Variants in EYA2 observed in about 807,000 individuals in gnomAD.
The protein encoded by EYA2 is protein phosphatase EYA2.
Under a neutral mutation model 69.2 loss-of-function variants are expected in EYA2, and 31 were observed. That is an observed-to-expected ratio of 0.45 (90% CI 0.34 to 0.60). The LOEUF (loss-of-function observed/expected upper bound fraction) is 0.60. EYA2 is among the 20% of genes least tolerant of loss of function. The pLI, the probability that EYA2 is intolerant of heterozygous loss-of-function variation, is 0.02. For missense variants in EYA2, 622 were observed against 701.2 expected (o/e 0.89, Z 1.28); for synonymous variants, 257 against 279.4 (o/e 0.92, Z 0.80).
At chr20:47,095,590 AG>A (rs1279045909) in intron 8 of EYA2, among the ~76,000 whole-genome samples, 1 of 152,146 alleles carries the variant, frequency 6.6e-6, no homozygotes, top group African/African-American at 2.4e-5. Context: ...AATTCTAGAA[AG>A]AAAAAAAAGG....
At chr20:47,037,286 G>A (rs565744064) in intron 5 of EYA2, among the ~76,000 whole-genome samples, 184 of 152,186 alleles carry the variant, frequency 1.2e-3, no homozygotes, top group African/African-American at 4.3e-3. Context: ...ATTTGGGTGG[G>A]GACACAAAGC....
chr20:47,149,643 G>C (rs1022911779), intron 10 of EYA2, among the ~76,000 whole-genome samples: 3 of 140,778 alleles, frequency 2.1e-5, no homozygotes, highest in Admixed American at 7.8e-5. Flanking sequence ...AGGAGTTCAA[G>C]ACCAGCCTCG....
At chr20:47,023,866 G>A (rs555734059) in intron 5 of EYA2, among the ~76,000 whole-genome samples, 1 of 152,202 alleles carries the variant, frequency 6.6e-6, no homozygotes, top group East Asian at 1.9e-4. Context: ...TCAAGCTCCT[G>A]AGCTCAGGCA....
chr20:47,130,245 A>C, intron 9 of EYA2, among the ~76,000 whole-genome samples: 1 of 140,400 alleles, frequency 7.1e-6, no homozygotes, highest in Admixed American at 7.1e-5. Context: ...GAAAGAAATA[A>C]AAGAAGGTTT....
At chr20:46,902,711 C>T (rs1600528084) in intron 1 of EYA2, among the ~76,000 whole-genome samples, 1 of 152,218 alleles carries the variant, frequency 6.6e-6, no homozygotes, top group Non-Finnish European at 1.5e-5. Context: ...AGCAGATTCT[C>T]ACAAGATTTT....
At chr20:46,971,683 G>A (rs1239197642) in intron 1 of EYA2, among the ~76,000 whole-genome samples, 1 of 152,304 alleles carries the variant, frequency 6.6e-6, no homozygotes, top group Non-Finnish European at 1.5e-5. Flanking sequence ...AGATCAGTGG[G>A]ACTATGGGGA....
intron 10 of EYA2, among the ~76,000 whole-genome samples, chr20:47,146,722 G>A (rs1021466566): frequency 3.3e-5 from 5 of 152,154 alleles, no homozygotes; most frequent in East Asian, 1.9e-4. Context: ...CTCAAGGCCC[G>A]GCAAAGCCAG....
chr20:47,087,495 A>G (rs1304873647), intron 7 of EYA2, among the ~76,000 whole-genome samples: 1 of 152,264 alleles, frequency 6.6e-6, no homozygotes, highest in East Asian at 1.9e-4. Context: ...GCAGACTCAC[A>G]TGGTCCAGTA....
intron 10 of EYA2, among the ~76,000 whole-genome samples, chr20:47,158,598 C>G (rs1024951185): frequency 1.3e-5 from 2 of 151,748 alleles, no homozygotes; most frequent in Non-Finnish European, 2.9e-5. Flanking sequence ...AATGAGGATA[C>G]TCAGATAACA....
At chr20:47,125,994 G>A (rs2033181584) in intron 9 of EYA2, among the ~76,000 whole-genome samples, 1 of 152,164 alleles carries the variant, frequency 6.6e-6, no homozygotes, top group Admixed American at 6.5e-5. Context: ...CAGAAGAAAA[G>A]TGAGGCGAAG....
At chr20:46,997,134 A>G (rs1982076269) in intron 2 of EYA2, among the ~76,000 whole-genome samples, 7 of 152,126 alleles carry the variant, frequency 4.6e-5, no homozygotes, top group Admixed American at 4.6e-4. Flanking sequence ...GGTGAGAAGG[A>G]TGAAGCTGAC....
chr20:46,968,495 C>A (rs1979928537), intron 1 of EYA2, among the ~76,000 whole-genome samples: 1 of 152,152 alleles, frequency 6.6e-6, no homozygotes, highest in Admixed American at 6.5e-5. Context: ...TTAACCGTCA[C>A]CCTATACTGC....
In EYA2 at chr20:47,168,068, G is replaced by A. The variant is rs547329297; in HGVS notation, c.979-1071G>A. Among the ~76,000 whole-genome samples the A allele has an allele frequency of 1.5e-3, 228 of 152,206 alleles. 1 individual carries two copies. Among genetic ancestry groups the A allele is most frequent in the African/African-American group, 5.2e-3 (216 of 41,532 alleles). On this transcript the variant is annotated intron_variant, in intron 10 of 15. Transcript: ENST00000327619. ...CCAAAAGTGCCAGCCAACGTCCCCG[G>A]GCTGGTTCCCATTGGCCCACCTTAG...
In EYA2 at chr20:47,102,944, A is replaced by G. The variant is rs768671761; in HGVS notation, c.888+5776A>G. On this transcript the variant is annotated intron_variant, in intron 9 of 15. Coordinates refer to ENST00000327619, the MANE Select transcript of EYA2 (RefSeq NM_005244.5). Reference sequence around the variant, plus strand: ...TGGTCAAGAGCCTTTGCCTGTGGCCAGGAAGGGATTCTAAAAGAAATTAGT... The same window carrying G: ...TGGTCAAGAGCCTTTGCCTGTGGCCGGGAAGGGATTCTAAAAGAAATTAGT... Among the ~76,000 whole-genome samples, 10 of 152,210 alleles carry G rather than the reference A, an allele frequency of 6.6e-5. No homozygotes were observed. The South Asian group carries it at 1.7e-3, about 25-fold the overall frequency.
intron 1 of EYA2, among the ~76,000 whole-genome samples, chr20:46,911,292 A>C (rs1340071187): frequency 1.3e-5 from 2 of 151,890 alleles, no homozygotes; most frequent in African/African-American, 4.8e-5. Flanking sequence ...ATGGCATTTA[A>C]TATGTCCATG....
In EYA2 at chr20:47,008,695, G is replaced by A. The variant is rs183603768; in HGVS notation, c.298+3611G>A. 8.7e-4 allele frequency among the ~76,000 whole-genome samples: 132 copies of A among 152,328 alleles called. 3 individuals carry two copies. In the South Asian group the frequency reaches 0.026, roughly 30 times the overall value. ...TGCTCCTGGATGATACAGAGTAGAT[G>A]ATAAGAGCACATGTCCTGGAATTCT... On this transcript the variant is annotated intron_variant, in intron 4 of 15. Transcript: ENST00000327619.
At chr20:47,124,919 C>G (rs1188818983) in intron 9 of EYA2, among the ~76,000 whole-genome samples, 2 of 151,890 alleles carry the variant, frequency 1.3e-5, no homozygotes, top group African/African-American at 4.8e-5. Flanking sequence ...GCACAAAACC[C>G]CAAAAGAGGA....
At chr20:47,020,286 A>G (rs895429684) in intron 5 of EYA2, among the ~76,000 whole-genome samples, 7 of 152,232 alleles carry the variant, frequency 4.6e-5, no homozygotes, top group African/African-American at 9.6e-5. Context: ...GATGCCTCCC[A>G]CTAGGTCTTC....
At chr20:47,186,348 CTTTTTTTTT>C (rs765874138) in intron 15 of EYA2, among the ~76,000 whole-genome samples, 1,789 of 72,258 alleles carry the variant, frequency 0.025, 44 homozygotes, top group East Asian at 0.21. Flanking sequence ...AGCACTTATT[CTTTTTTTTT>C]TTTTTTTTTT....
Sources: gnomAD v4.1 joint callset for allele counts (sites outside exome capture counted in the v4.1 genomes callset) on GRCh38, gnomAD v4.1.1 for gene constraint, MANE v1.5 for transcripts, NCBI Gene and HGNC (gene_info 2026-07-23, HGNC 2026-07-21) for gene names.